The following ARHGAP21 variants were observed in gnomAD, a reference collection of about 807,000 sequenced individuals.
The protein encoded by ARHGAP21 is Rho GTPase activating protein 21.
Under a neutral mutation model 164.6 loss-of-function variants are expected in ARHGAP21, and 38 were observed. The observed-to-expected ratio is 0.23, with a 90% CI of 0.18 to 0.30. The LOEUF (loss-of-function observed/expected upper bound fraction) is 0.30. Ranked by LOEUF, ARHGAP21 falls within the 10% of genes least tolerant of loss-of-function variation. The pLI is 1.00. For synonymous variants in ARHGAP21, 766 were observed against 857.9 expected (o/e 0.89, Z 1.87); for missense variants, 1,822 against 2,370.7 (o/e 0.77, Z 4.81).
At chr10:24,604,123 CT>C (rs1213514691) in intron 12 of ARHGAP21, among the ~76,000 whole-genome samples, 188 bp downstream of exon 12, 25 of 152,074 alleles carry the variant, frequency 1.6e-4, no homozygotes, top group South Asian at 8.3e-4. Context: ...ACAAAAAGGG[CT>C]GCTGGGCAGT....
In ARHGAP21 at chr10:24,584,824, T is replaced by C; in HGVS notation, c.5465A>G (p.His1822Arg). 6.2e-7 allele frequency: 1 copy of C among 1,614,008 alleles called. No homozygotes were observed. The highest frequency in any genetic ancestry group is 8.5e-7 in the Non-Finnish European group (1 of 1,179,874). The change falls in exon 26 of 26, where the codon CAT becomes CGT. Residue 1822 changes from histidine to arginine, a missense_variant. His to Arg is a conservative substitution (Grantham distance 29). This residue lies in a region of ARHGAP21 where 165 missense variants were observed against 176.6 expected (regional missense o/e 0.93). Coordinates refer to ENST00000396432, the MANE Select transcript of ARHGAP21 (RefSeq NM_020824.4). The stretch of plus-strand genomic sequence containing the variant: ...AGATTCTCTCTCCCCGCTCTGCTCA[T>C]GCACTTTCCAAAAATTCAAAACGCT... The part of the protein sequence containing the change: ...EISVLNFWKV[H>R]EQSGERESEL...
chr10:24,602,087 T>C lies in ARHGAP21; in HGVS notation c.2738A>G (p.Lys913Arg). 1 of 1,613,336 alleles carries C rather than the reference T, an allele frequency of 6.2e-7. No individual in the cohort carries two copies. The highest frequency in any genetic ancestry group is 8.5e-7 in the Non-Finnish European group (1 of 1,179,812). Residue 913 changes from lysine to arginine, a missense_variant, in exon 13 of 26, where the codon AAG becomes AGG. By Grantham distance (26) the Lys-to-Arg change is conservative. Coordinates refer to ENST00000396432, the MANE Select transcript of ARHGAP21 (RefSeq NM_020824.4). Reference sequence around the variant, plus strand: ...TCTGGACCCAGAGTCTTCTGATGACTTTTGGCTGTCTGCGATCTATAGAAA... The same window carrying C: ...TCTGGACCCAGAGTCTTCTGATGACCTTTGGCTGTCTGCGATCTATAGAAA... ...LKGIKIADSQ[K>R]SSEDSGSRKD...
At chr10:24,594,858 C>T in intron 21 of ARHGAP21, 92 bp downstream of exon 21, 1 of 1,079,968 alleles carries the variant, frequency 9.3e-7, no homozygotes. Context: ...GAATTACAAA[C>T]CTTTTATTGA....
chr10:24,594,866 T>G, intron 21 of ARHGAP21, 84 bp downstream of exon 21: 1 of 1,137,916 alleles, frequency 8.8e-7, no homozygotes, highest in Non-Finnish European at 1.2e-6. Flanking sequence ...AACCTTTTAT[T>G]GACTATTTGG....
At chr10:24,667,619 A>G (rs1003412440) in intron 3 of ARHGAP21, among the ~76,000 whole-genome samples, 1 of 152,200 alleles carries the variant, frequency 6.6e-6, no homozygotes, top group Non-Finnish European at 1.5e-5. Flanking sequence ...AAACTAGTCT[A>G]AAAATACATT....
rs1310556658 is a variant in ARHGAP21, at chr10:24,661,505, C to T, written c.268+5480G>A. Among the ~76,000 whole-genome samples, 4 of 152,054 alleles carry T rather than the reference C, an allele frequency of 2.6e-5. No individual in the cohort carries two copies. The East Asian group carries it at 7.7e-4, about 29-fold the overall frequency. Reference sequence around the variant, plus strand: ...ACTAAACTGCCAAAAGGAAAGAAGACCAAAACAAAATCATTCAACTGTTTA... The same window carrying T: ...ACTAAACTGCCAAAAGGAAAGAAGATCAAAACAAAATCATTCAACTGTTTA... On this transcript the variant is annotated intron_variant, in intron 4 of 25. Transcript: ENST00000396432.
intron 2 of ARHGAP21, among the ~76,000 whole-genome samples, chr10:24,672,345 T>C (rs1344245695): frequency 1.3e-5 from 2 of 152,150 alleles, no homozygotes; most frequent in Non-Finnish European, 2.9e-5. Flanking sequence ...CACACTGATT[T>C]TTCTTCCAAC....
At chr10:24,649,558 A>C (rs576219021) in intron 4 of ARHGAP21, among the ~76,000 whole-genome samples, 4 of 152,328 alleles carry the variant, frequency 2.6e-5, no homozygotes, top group Admixed American at 2.6e-4. Context: ...TAAACTGCAC[A>C]TGGACATGGA....
chr10:24,628,816 C>T (rs12257008), intron 7 of ARHGAP21, among the ~76,000 whole-genome samples: 1,375 of 110,360 alleles, frequency 0.012, 23 homozygotes, highest in Non-Finnish European at 0.02. Context: ...CATATATATA[C>T]ATATACACAC....
chr10:24,606,080 AAATT>A (rs1318243678), intron 11 of ARHGAP21, among the ~76,000 whole-genome samples: 1 of 152,186 alleles, frequency 6.6e-6, no homozygotes, highest in African/African-American at 2.4e-5. Context: ...TAATTTGAAT[AAATT>A]AATTCCAGAT....
chr10:24,722,023 T>G lies in ARHGAP21; in HGVS notation c.-124A>C, dbSNP rs568771457. 1.2e-5 allele frequency: 12 copies of G among 1,003,666 alleles called. No homozygotes were observed. The South Asian group carries it at 1.2e-4, about 10-fold the overall frequency. 62.2% of individuals were successfully genotyped at this position (1,003,666 alleles called of 1,614,324 possible). On this transcript the variant is annotated 5_prime_UTR_variant, in exon 2 of 26. Coordinates refer to ENST00000396432, the MANE Select transcript of ARHGAP21 (RefSeq NM_020824.4). The stretch of plus-strand genomic sequence containing the variant: ...CAGGCTCCGAGGAGGGGCAGGGCTG[T>G]TGAAACAGACAACGTGCCAGGGAAT...
chr10:24,604,435 C>G, intron 11 of ARHGAP21, 87 bp from the exon 12 acceptor site: 1 of 880,290 alleles, frequency 1.1e-6, no homozygotes, highest in Admixed American at 2.3e-5. Context: ...TACAATTACT[C>G]TTTCAATAAT....
At chr10:24,675,310 A>C (rs2131830553) in intron 2 of ARHGAP21, among the ~76,000 whole-genome samples, 1 of 152,348 alleles carries the variant, frequency 6.6e-6, no homozygotes, top group Admixed American at 6.5e-5. Context: ...AGATCAAAGA[A>C]GAAGAGGAGG....
Position 24,620,904 on chromosome 10 carries a change from G to T in ARHGAP21, c.991C>A (p.His331Asn), listed in dbSNP as rs771132140. ...AGTGATCTGGAGCCTGCAGGCTGAT[G>T]AATTAGATGAGTGGTGGGAATTGAT... The part of the protein sequence containing the change: ...PLSIPTTHLI[H>N]QPAGSRSLEP... The change falls in exon 9 of 26, where the codon CAT becomes AAT. Residue 331 changes from histidine to asparagine, a missense_variant. Physicochemically the swap from His to Asn is moderately conservative, Grantham distance 68. This residue lies in a region of ARHGAP21 where 1,090 missense variants were observed against 1,378.9 expected (regional missense o/e 0.79). Coordinates refer to ENST00000396432, the MANE Select transcript of ARHGAP21 (RefSeq NM_020824.4). The T allele has an allele frequency of 3.7e-6, 6 of 1,613,798 alleles. No homozygotes were observed. The highest frequency in any genetic ancestry group is 2.7e-5 in the African/African-American group (2 of 74,908).
At chr10:24,602,398 C>A (rs7068655) in intron 12 of ARHGAP21, among the ~76,000 whole-genome samples, 5 of 151,984 alleles carry the variant, frequency 3.3e-5, no homozygotes, top group African/African-American at 1.2e-4. Context: ...AGAATGAAAA[C>A]GGCAAGATGC....
rs771436197 is a variant in ARHGAP21, at chr10:24,620,356, A to G, written c.1539T>C (p.Thr513=). Reference sequence around the variant, plus strand: ...TCTCTCCATTGGAATCAGGTATTGGAGTTCCAGAATTGACATTTTCTAAGG... The same window carrying G: ...TCTCTCCATTGGAATCAGGTATTGGGGTTCCAGAATTGACATTTTCTAAGG... ...DETLENVNSG[T]PIPDSNGEKK... Residue 513 remains threonine, a synonymous_variant, in exon 9 of 26, where the codon ACT becomes ACC. Coordinates refer to ENST00000396432, the MANE Select transcript of ARHGAP21 (RefSeq NM_020824.4). 2 of 1,613,814 alleles carry G rather than the reference A, an allele frequency of 1.2e-6. No individual in the cohort carries two copies. Among genetic ancestry groups the G allele is most frequent in the Non-Finnish European group, 1.7e-6 (2 of 1,179,846 alleles).
chr10:24,696,746 C>A (rs756845068), intron 2 of ARHGAP21, among the ~76,000 whole-genome samples: 5 of 152,192 alleles, frequency 3.3e-5, no homozygotes, highest in Non-Finnish European at 7.3e-5. Context: ...CAGAAGGGAT[C>A]TGAAGGCTCA....
rs542613871 is a variant in ARHGAP21 at position 24,631,700 on chromosome 10, G to A, written c.441-1650C>T. Among the ~76,000 whole-genome samples, 315 of 152,230 alleles carry A rather than the reference G, an allele frequency of 2.1e-3. 1 individual carries two copies. Among genetic ancestry groups the A allele is most frequent in the African/African-American group, 7.2e-3 (298 of 41,542 alleles). ...AACTGATGTTTAGATAAACTCCTGTGCAAGGACACATCTGTTTGTTTGTTG... is the reference window on the plus strand; with the variant it reads ...AACTGATGTTTAGATAAACTCCTGTACAAGGACACATCTGTTTGTTTGTTG... On this transcript the variant is annotated intron_variant, in intron 6 of 25. Transcript: ENST00000396432.
intron 4 of ARHGAP21, among the ~76,000 whole-genome samples, chr10:24,660,338 C>G (rs1482958000): frequency 7.3e-6 from 1 of 136,938 alleles, no homozygotes; most frequent in East Asian, 2.2e-4. Context: ...GAGCTATCAT[C>G]ATGCCACTAC....
Sources: allele counts gnomAD v4.1 joint callset (sites outside exome capture counted in the v4.1 genomes callset), GRCh38; gene constraint gnomAD v4.1.1; regional missense constraint gnomAD v4.1.1; transcripts MANE v1.5; gene names NCBI Gene and HGNC (gene_info 2026-07-23, HGNC 2026-07-21).